LRRC8B: variants seen among roughly 807,000 people sequenced by gnomAD.
The protein encoded by LRRC8B is leucine rich repeat containing 8 VRAC subunit B.
In LRRC8B, 23 loss-of-function variants were observed where a neutral mutation model predicts 58.8. That is an observed-to-expected ratio of 0.39 (90% CI 0.28 to 0.55). LRRC8B has a LOEUF of 0.55. Among genes scored for constraint, LRRC8B ranks in the 20% least tolerant of loss-of-function variants. LRRC8B has a pLI of 0.62. For synonymous variants in LRRC8B, 359 were observed against 374.1 expected, an observed-to-expected ratio of 0.96 and a Z score of 0.47; for missense variants, 694 against 936.0, an observed-to-expected ratio of 0.74 and a Z score of 3.37.
intron 1 of LRRC8B, among the ~76,000 whole-genome samples, chr1:89,526,769 G>T (rs1436553141): frequency 6.6e-6 from 1 of 152,142 alleles, no homozygotes; most frequent in Non-Finnish European, 1.5e-5. Flanking sequence ...TTTTAAATCT[G>T]CATGTCGGAA....
At chr1:89,553,564 G>C (rs1431965112) in intron 1 of LRRC8B, among the ~76,000 whole-genome samples, 1 of 152,112 alleles carries the variant, frequency 6.6e-6, no homozygotes, top group Non-Finnish European at 1.5e-5. Context: ...AATTCCACCA[G>C]AGTACTCAGG....
intron 1 of LRRC8B, among the ~76,000 whole-genome samples, chr1:89,549,557 A>T (rs1161465506): frequency 6.6e-6 from 1 of 152,168 alleles, no homozygotes; most frequent in Non-Finnish European, 1.5e-5. Context: ...AATGTCTTTG[A>T]TTGCTTCCAA....
chr1:89,569,797 A>G (rs970346383), intron 3 of LRRC8B, among the ~76,000 whole-genome samples: 1 of 152,038 alleles, frequency 6.6e-6, no homozygotes, highest in South Asian at 2.1e-4. Flanking sequence ...GGTACATATT[A>G]TTTTATCAAC....
chr1:89,538,488 T>C (rs1022224065), intron 1 of LRRC8B, among the ~76,000 whole-genome samples: 9 of 152,150 alleles, frequency 5.9e-5, no homozygotes, highest in Non-Finnish European at 1.3e-4. Flanking sequence ...GTGATTTCCT[T>C]TGGGGACATT....
chr1:89,541,689 C>A (rs532523215), intron 1 of LRRC8B, among the ~76,000 whole-genome samples: 2 of 114,968 alleles, frequency 1.7e-5, no homozygotes, highest in Non-Finnish European at 3.3e-5. Flanking sequence ...CCAGCCTGGG[C>A]GACAGAGGGA....
At chr1:89,546,296 A>G (rs1356463662) in intron 1 of LRRC8B, among the ~76,000 whole-genome samples, 3 of 152,150 alleles carry the variant, frequency 2.0e-5, no homozygotes, top group Non-Finnish European at 2.9e-5. Flanking sequence ...CTGTGAGCCC[A>G]AAGTGGAGTT....
At chr1:89,536,866 C>T (rs1320452056) in intron 1 of LRRC8B, among the ~76,000 whole-genome samples, 2 of 152,086 alleles carry the variant, frequency 1.3e-5, no homozygotes, top group African/African-American at 4.8e-5. Flanking sequence ...TCAGAGGGTA[C>T]TTTTAATTTT....
intron 1 of LRRC8B, among the ~76,000 whole-genome samples, chr1:89,529,260 G>T (rs1168303269): frequency 6.6e-6 from 1 of 151,838 alleles, no homozygotes; most frequent in African/African-American, 2.4e-5. Context: ...AACATCACTG[G>T]CCCCCAAATC....
At chr1:89,560,831 A>T (rs1412484637) in intron 1 of LRRC8B, among the ~76,000 whole-genome samples, 4 of 151,846 alleles carry the variant, frequency 2.6e-5, no homozygotes, top group Non-Finnish European at 5.9e-5. Context: ...ATTGTGAATA[A>T]TGCCGCAATA....
chr1:89,525,979 C>T (rs1473195458), intron 1 of LRRC8B, among the ~76,000 whole-genome samples: 1 of 152,126 alleles, frequency 6.6e-6, no homozygotes, highest in Non-Finnish European at 1.5e-5. Context: ...GAAGACATTA[C>T]GTAGCATGAT....
chr1:89,559,082 C>T (rs1652409135), intron 1 of LRRC8B: 1 of 151,992 alleles, frequency 6.6e-6, no homozygotes, highest in Admixed American at 6.6e-5. Context: ...CAGTTTGGGA[C>T]ATGCTGTTTG....
chr1:89,540,074 T>G (rs1374864125), intron 1 of LRRC8B, among the ~76,000 whole-genome samples: 1 of 152,220 alleles, frequency 6.6e-6, no homozygotes, highest in Non-Finnish European at 1.5e-5. Context: ...GTATCATTTC[T>G]GGATATCTTT....
intron 1 of LRRC8B, among the ~76,000 whole-genome samples, chr1:89,539,261 C>T (rs1325478096): frequency 2.0e-5 from 3 of 152,098 alleles, no homozygotes; most frequent in Non-Finnish European, 4.4e-5. Flanking sequence ...ATTGCCCTCT[C>T]CGCCCCCCAT....
intron 1 of LRRC8B, among the ~76,000 whole-genome samples, chr1:89,551,788 A>G (rs1651837079): frequency 6.6e-6 from 1 of 152,184 alleles, no homozygotes; most frequent in Non-Finnish European, 1.5e-5. Context: ...CAAGCTCTGA[A>G]TGAGACCCAC....
chr1:89,559,424 TG>T (rs1269506056), intron 1 of LRRC8B, among the ~76,000 whole-genome samples: 1 of 151,918 alleles, frequency 6.6e-6, no homozygotes, highest in East Asian at 1.9e-4. Flanking sequence ...GTGGGACAAT[TG>T]CTTGTGTCCA....
At chr1:89,578,562 G>A (rs369973768) in intron 3 of LRRC8B, among the ~76,000 whole-genome samples, 1 of 152,296 alleles carries the variant, frequency 6.6e-6, no homozygotes, top group South Asian at 2.1e-4. Flanking sequence ...AATAGGCTTT[G>A]CACATGACTT....
intron 1 of LRRC8B, among the ~76,000 whole-genome samples, chr1:89,525,486 G>GTTGGGAACTATTTTATGCTC (rs893351583): frequency 2.6e-5 from 4 of 152,358 alleles, no homozygotes; most frequent in East Asian, 3.9e-4. Flanking sequence ...CGCTGGCGCT[G>GTTGGGAACTATTTTATGCTC]TTGGGAACTA....
chr1:89,568,575 A>C (rs921464140), intron 3 of LRRC8B, 82 bp downstream of exon 3: 1 of 152,152 alleles, frequency 6.6e-6, no homozygotes, highest in South Asian at 2.1e-4. Context: ...TAAATACTGA[A>C]TACTTAGTAT....
At position 89,584,092 on chromosome 1, in the gene LRRC8B, C is replaced by T; in HGVS notation, c.1442C>T (p.Ala481Val). The T allele has an allele frequency of 6.2e-7, 1 of 1,614,066 alleles. No individual in the cohort carries two copies. The highest frequency in any genetic ancestry group is 8.5e-7 in the Non-Finnish European group (1 of 1,180,040). ...TCATCTCTGGTCGTAGACCATCCTGCACTGGCCTTTCTAGAGGAGAATTTA... is the reference window on the plus strand; with the variant it reads ...TCATCTCTGGTCGTAGACCATCCTGTACTGGCCTTTCTAGAGGAGAATTTA... ...YHSSLVVDHP[A>V]LAFLEENLKI... The change falls in exon 5 of 6, where the codon GCA becomes GTA. Residue 481 changes from alanine to valine, a missense_variant. By Grantham distance (64) the Ala-to-Val change is moderately conservative. This residue lies in a region of LRRC8B where 162 missense variants were observed against 198.5 expected (regional missense o/e 0.82). Transcript: ENST00000330947.
Sources: allele counts gnomAD v4.1 joint callset (sites outside exome capture counted in the v4.1 genomes callset), GRCh38; gene constraint gnomAD v4.1.1; regional missense constraint gnomAD v4.1.1; transcripts MANE v1.5; gene names NCBI Gene and HGNC (gene_info 2026-07-23, HGNC 2026-07-21).